Variants in HAL observed in about 807,000 individuals in gnomAD.
The protein encoded by HAL is histidine ammonia-lyase.
HAL carries 85 observed loss-of-function variants against 81.1 expected under a neutral mutation model. The ratio of observed to expected loss-of-function variants is 1.05; its 90% confidence interval spans 0.88 to 1.25. HAL has a LOEUF of 1.25. HAL is among the 50% of genes most tolerant of loss of function. The pLI, the probability that HAL is intolerant of heterozygous loss-of-function variation, is 0.00. For missense variants in HAL, 798 were observed against 836.6 expected, an observed-to-expected ratio of 0.95 and a Z score of 0.57; for synonymous variants, 301 against 309.2, an observed-to-expected ratio of 0.97 and a Z score of 0.28.
In HAL at chr12:95,983,998, T is replaced by C. The variant is rs1949846341; in HGVS notation, c.1207-7A>G. 3.4e-6 allele frequency: 5 copies of C among 1,479,946 alleles called. No individual in the cohort carries two copies. In the East Asian group the frequency reaches 6.8e-5, roughly 20 times the overall value. The allele number at this position is 1,479,946 out of a possible 1,614,324, so 91.7% of individuals were successfully genotyped here. A position where few individuals can be genotyped will look rare whatever the true frequency, so the allele number is the denominator to read the frequency against. ...CATTCACCACACCATGGACCTAAAA[T>C]ACAATCAAAATAAGGTATATGACCC... On this transcript the variant is annotated splice_polypyrimidine_tract_variant and splice_region_variant and intron_variant, in intron 14 of 20. Coordinates refer to ENST00000261208, the MANE Select transcript of HAL (RefSeq NM_002108.4).
chr12:95,986,644 T>C (rs896156321), intron 12 of HAL, among the ~76,000 whole-genome samples: 5 of 152,134 alleles, frequency 3.3e-5, no homozygotes, highest in Admixed American at 6.5e-5. Flanking sequence ...CTGCCCTTTT[T>C]CATATTATAG....
intron 8 of HAL, among the ~76,000 whole-genome samples, 189 bp downstream of exon 8, chr12:95,993,262 A>T (rs1949993773): frequency 6.6e-6 from 1 of 151,658 alleles, no homozygotes; most frequent in Non-Finnish European, 1.5e-5. Flanking sequence ...CCATCCCTCC[A>T]CCTGGCCCAT....
intron 14 of HAL, 105 bp from the exon 15 acceptor site, chr12:95,984,096 CAGA>C (rs2136806225): frequency 1.4e-6 from 1 of 695,188 alleles, no homozygotes; most frequent in Non-Finnish European, 2.6e-6. Context: ...ATAAAGAATA[CAGA>C]AGATCTTATT....
Position 95,974,222 on chromosome 12 carries a change from A to G in HAL, c.*10T>C. 1 of 1,613,322 alleles carries G rather than the reference A, an allele frequency of 6.2e-7. No homozygotes were observed. The highest frequency in any genetic ancestry group is 8.5e-7 in the Non-Finnish European group (1 of 1,179,278). On this transcript the variant is annotated 3_prime_UTR_variant, in exon 21 of 21. Transcript: ENST00000261208. ...CTGCCCTCTCATCTGCTACTTCATG[A>G]CAAAGCCCATTAAAGGTCCTCAGAC...
At position 95,974,482 on chromosome 12, in the gene HAL, C is replaced by T. The variant is rs566975951; in HGVS notation, c.1834-110G>A. ...AACATACTCTATACATGACCAGACACAGCTGCTGTTTGCTTGCTTTTATTT... is the reference window on the plus strand; with the variant it reads ...AACATACTCTATACATGACCAGACATAGCTGCTGTTTGCTTGCTTTTATTT... On this transcript the variant is annotated intron_variant, in intron 20 of 20. Coordinates refer to ENST00000261208, the MANE Select transcript of HAL (RefSeq NM_002108.4). 5.5e-5 allele frequency: 52 copies of T among 943,748 alleles called. No homozygotes were observed. In the East Asian group the frequency reaches 1.2e-3, roughly 22 times the overall value. 58.5% of individuals were successfully genotyped at this position (943,748 alleles called of 1,614,324 possible).
chr12:95,988,309 G>T, intron 10 of HAL, 69 bp from the exon 11 acceptor site: 1 of 838,820 alleles, frequency 1.2e-6, no homozygotes, highest in South Asian at 1.4e-5. Flanking sequence ...ATATCATATG[G>T]AATCCAATAA....
At position 95,974,164 on chromosome 12, in the gene HAL, C is replaced by T; in HGVS notation, c.*68G>A. On this transcript the variant is annotated 3_prime_UTR_variant, in exon 21 of 21. Transcript: ENST00000261208. Reference sequence around the variant, plus strand: ...TACCTAGGAAAGTTCTCAGGTCTCTCCTTCAGCCTAGTATTGCTTTGTGCT... The same window carrying T: ...TACCTAGGAAAGTTCTCAGGTCTCTTCTTCAGCCTAGTATTGCTTTGTGCT... 1 of 1,387,606 alleles carries T rather than the reference C, an allele frequency of 7.2e-7. No individual in the cohort carries two copies. Among genetic ancestry groups the T allele is most frequent in the Non-Finnish European group, 1.0e-6 (1 of 973,324 alleles). The allele number at this position is 1,387,606 out of a possible 1,614,324, so 86.0% of individuals were successfully genotyped here. A position where few individuals can be genotyped will look rare whatever the true frequency, so the allele number is the denominator to read the frequency against.
intron 14 of HAL, among the ~76,000 whole-genome samples, chr12:95,984,254 G>A (rs1949849525): frequency 1.3e-5 from 2 of 152,134 alleles, no homozygotes. Context: ...TGGTGTGGGA[G>A]GAAGAATGCC....
In HAL at chr12:95,992,780, C is replaced by G; in HGVS notation, c.615G>C (p.Glu205Asp). 1.2e-6 allele frequency: 2 copies of G among 1,613,252 alleles called. No individual in the cohort carries two copies. The highest frequency in any genetic ancestry group is 2.2e-5 in the South Asian group (2 of 91,070). Residue 205 changes from glutamate (E) to aspartate (D), a missense_variant, in exon 9 of 21, where the codon GAG (glutamate) becomes GAC (aspartate). Coordinates refer to ENST00000261208, the MANE Select transcript of HAL (RefSeq NM_002108.4). ...SSGVGKPLSP[E>D]RCRMLLALRI... ...TTAAAGCCAAGAGCATCCGACACCT[C>G]TCAGGACTTAGTGGTTTCCCAACAC...
At chr12:95,990,254 G>T in intron 10 of HAL, 139 bp downstream of exon 10, 1 of 772,616 alleles carries the variant, frequency 1.3e-6, no homozygotes, top group Admixed American at 1.8e-5. Flanking sequence ...CTAAGCTTTC[G>T]CTGTCTCATC....
chr12:95,984,679 T>C (rs1949855614), intron 14 of HAL, among the ~76,000 whole-genome samples: 1 of 152,128 alleles, frequency 6.6e-6, no homozygotes. Context: ...GGAGAAAGAG[T>C]ATCTTATAGT....
chr12:95,992,641 G>C (rs1233646740), intron 9 of HAL, 39 bp downstream of exon 9: 5 of 1,574,788 alleles, frequency 3.2e-6, no homozygotes. Context: ...TACATGTCCA[G>C]CCTCCACAGA....
chr12:95,984,487 C>T (rs1465250848), intron 14 of HAL, among the ~76,000 whole-genome samples: 2 of 152,214 alleles, frequency 1.3e-5, no homozygotes, highest in Non-Finnish European at 2.9e-5. Context: ...AGCACGAAGG[C>T]ATCACATTAG....
chr12:95,994,979 C>A lies in HAL; in HGVS notation c.262G>T (p.Ala88Ser), dbSNP rs1565995261. The A allele has an allele frequency of 6.2e-7, 1 of 1,610,772 alleles. No homozygotes were observed. The highest frequency in any genetic ancestry group is 8.5e-7 in the Non-Finnish European group (1 of 1,177,004). The change falls in exon 3 of 21, where the codon GCC becomes TCC. Residue 88 changes from alanine (A) to serine (S), a missense_variant. Ala to Ser is a moderately conservative substitution (Grantham distance 99). Coordinates refer to ENST00000261208, the MANE Select transcript of HAL (RefSeq NM_002108.4). ...GATGGAATGAAGTCAGGAGACATGG[C>A]ATCACCCTCTATAACTAAAACAATG... ...EFVEVVIEGD[A>S]MSPDFIPSQP...
At position 95,992,771 on chromosome 12, in the gene HAL, C is replaced by T. The variant is rs774597927; in HGVS notation, c.624G>A (p.Arg208=). 1 of 1,613,004 alleles carries T rather than the reference C, an allele frequency of 6.2e-7. No individual in the cohort carries two copies. ...CATTGATCCTTAAAGCCAAGAGCAT[C>T]CGACACCTCTCAGGACTTAGTGGTT... The part of the protein sequence containing the change: ...VGKPLSPERC[R]MLLALRINVL... Residue 208 remains arginine, a synonymous_variant, in exon 9 of 21, where the codon CGG becomes CGA. Coordinates refer to ENST00000261208, the MANE Select transcript of HAL (RefSeq NM_002108.4).
In HAL at chr12:95,976,576, T is replaced by A. The variant is rs775186747; in HGVS notation, c.1763+22A>T. ...TCACAGTGCTGAACTGATGTAATTTTCAGAGACCTGTTTGATCTTACCTTA... is the reference window on the plus strand; with the variant it reads ...TCACAGTGCTGAACTGATGTAATTTACAGAGACCTGTTTGATCTTACCTTA... On this transcript the variant is annotated intron_variant, in intron 19 of 20. Transcript: ENST00000261208. 3.8e-6 allele frequency: 6 copies of A among 1,593,736 alleles called. No individual in the cohort carries two copies. The Admixed American group carries it at 1.0e-4, about 27-fold the overall frequency.
At chr12:95,992,533 A>T in intron 9 of HAL, 147 bp downstream of exon 9, 1 of 666,656 alleles carries the variant, frequency 1.5e-6, no homozygotes, top group Non-Finnish European at 2.7e-6. Flanking sequence ...CCATCTAACT[A>T]TCCTACTTTT....
chr12:95,993,377 G>T (rs1331902926), intron 8 of HAL, 74 bp downstream of exon 8: 15 of 949,046 alleles, frequency 1.6e-5, no homozygotes, highest in Admixed American at 8.5e-5. Flanking sequence ...ACTATAACTG[G>T]ATAACTCACA....
At chr12:95,995,240 C>T (rs1367869531) in intron 2 of HAL, 1 of 593,416 alleles carries the variant, frequency 1.7e-6, no homozygotes, top group Admixed American at 2.9e-5. Context: ...ACTTCCATCC[C>T]CATTCCCAGC....
Sources: allele counts gnomAD v4.1 joint callset (sites outside exome capture counted in the v4.1 genomes callset), GRCh38; gene constraint gnomAD v4.1.1; transcripts MANE v1.5; gene names NCBI Gene and HGNC (gene_info 2026-07-23, HGNC 2026-07-21).